Variants in YEATS2 observed in about 807,000 individuals in gnomAD.
YEATS2 encodes YEATS domain-containing protein 2.
YEATS2 carries 77 observed loss-of-function variants against 163.2 expected under a neutral mutation model. The observed-to-expected ratio is 0.47, with a 90% CI of 0.39 to 0.57. The LOEUF is 0.57. YEATS2 is among the 20% of genes least tolerant of loss of function. The probability of loss-of-function intolerance (pLI) is 0.00; values close to 1 mark genes in which losing one functional copy is unlikely to be tolerated. For missense variants in YEATS2, 1,549 were observed against 1,729.8 expected, an observed-to-expected ratio of 0.90 and a Z score of 1.85; for synonymous variants, 631 against 645.1, an observed-to-expected ratio of 0.98 and a Z score of 0.33.
intron 11 of YEATS2, among the ~76,000 whole-genome samples, chr3:183,755,189 C>T (rs769357292): frequency 1.3e-5 from 2 of 151,962 alleles, no homozygotes; most frequent in African/African-American, 4.8e-5. Context: ...GATCTCAGCT[C>T]ACTGCAGCCT....
chr3:183,791,174 C>G (rs930766382), intron 21 of YEATS2, among the ~76,000 whole-genome samples, 194 bp downstream of exon 21: 1 of 152,186 alleles, frequency 6.6e-6, no homozygotes, highest in African/African-American at 2.4e-5. Flanking sequence ...TCAGGGACCA[C>G]AGGCACATGT....
At chr3:183,771,543 CTT>C (rs1158586747) in intron 15 of YEATS2, among the ~76,000 whole-genome samples, 1 of 26,674 alleles carries the variant, frequency 3.7e-5, no homozygotes, top group Non-Finnish European at 6.8e-5. Flanking sequence ...TTATTCTTGC[CTT>C]TTTTTTTTTT....
chr3:183,782,808 C>T (rs1577183713), intron 19 of YEATS2, among the ~76,000 whole-genome samples: 2 of 152,052 alleles, frequency 1.3e-5, no homozygotes, highest in East Asian at 3.9e-4. Context: ...TTTGTTTTTG[C>T]TGTCATGGAT....
chr3:183,790,266 C>T (rs1724481325), intron 20 of YEATS2, among the ~76,000 whole-genome samples: 1 of 152,192 alleles, frequency 6.6e-6, no homozygotes, highest in African/African-American at 2.4e-5. Context: ...GTGTTGGTGA[C>T]ATTTGCCTGT....
At chr3:183,720,979 G>T (rs1185804781) in intron 4 of YEATS2, among the ~76,000 whole-genome samples, 1 of 152,134 alleles carries the variant, frequency 6.6e-6, no homozygotes, top group African/African-American at 2.4e-5. Flanking sequence ...TATAAGCGAG[G>T]AGGACTTCAT....
intron 6 of YEATS2, among the ~76,000 whole-genome samples, chr3:183,725,041 C>CTTT (rs62826962): frequency 1.1e-4 from 10 of 87,502 alleles, no homozygotes; most frequent in South Asian, 4.9e-4. Context: ...CCGTGCCGGC[C>CTTT]TTTTTTTTTT....
chr3:183,804,709 C>T (rs77985475), intron 27 of YEATS2, among the ~76,000 whole-genome samples: 5,878 of 152,286 alleles, frequency 0.039, 162 homozygotes, highest in Non-Finnish European at 0.06. Flanking sequence ...ACCACTGGGC[C>T]GGGCGCCGTG....
chr3:183,722,438 G>T (rs1716618062), intron 5 of YEATS2, among the ~76,000 whole-genome samples: 1 of 151,922 alleles, frequency 6.6e-6, no homozygotes, highest in African/African-American at 2.4e-5. Context: ...ACAGGTGTGT[G>T]CCACCACGCC....
intron 7 of YEATS2, among the ~76,000 whole-genome samples, chr3:183,733,204 G>A (rs1306426258): frequency 2.0e-5 from 3 of 152,188 alleles, no homozygotes; most frequent in East Asian, 1.9e-4. Flanking sequence ...GGCTGGTTTT[G>A]TTTGGAAGTT....
intron 17 of YEATS2, 97 bp downstream of exon 17, chr3:183,773,891 A>G: frequency 1.8e-5 from 25 of 1,382,730 alleles, no homozygotes; most frequent in Non-Finnish European, 2.1e-5. Flanking sequence ...TTCAGGAAGC[A>G]TTTCTGTAAC....
intron 10 of YEATS2, among the ~76,000 whole-genome samples, chr3:183,753,291 T>C (rs982265940): frequency 6.6e-6 from 1 of 152,230 alleles, no homozygotes; most frequent in Non-Finnish European, 1.5e-5. Context: ...TAAATACATA[T>C]TTTAATGTTC....
At chr3:183,699,764 G>A (rs756131977) in intron 1 of YEATS2, among the ~76,000 whole-genome samples, 18 of 152,148 alleles carry the variant, frequency 1.2e-4, no homozygotes, top group Non-Finnish European at 2.1e-4. Flanking sequence ...ATGTATCATG[G>A]CAGCCAAAAG....
In YEATS2 at chr3:183,773,701, C is replaced by T; in HGVS notation, c.2275C>T (p.Leu759Phe). Residue 759 changes from leucine to phenylalanine, a missense_variant, in exon 17 of 31, where the codon CTC becomes TTC. Transcript: ENST00000305135. ...NLANLPPGTKLYLTTNSKNPS... is the reference protein window; with the variant it reads ...NLANLPPGTKFYLTTNSKNPS... ...GGCAAATTTGCCTCCTGGCACTAAA[C>T]TCTACCTAACTACAAACAGCAAGAA... 1 of 1,613,676 alleles carries T rather than the reference C, an allele frequency of 6.2e-7. No individual in the cohort carries two copies. Among genetic ancestry groups the T allele is most frequent in the Non-Finnish European group, 8.5e-7 (1 of 1,179,868 alleles).
intron 16 of YEATS2, 46 bp downstream of exon 16, chr3:183,772,609 C>G (rs1577159096): frequency 3.1e-6 from 5 of 1,603,464 alleles, no homozygotes; most frequent in Non-Finnish European, 4.3e-6. Flanking sequence ...AAGCTCTGTC[C>G]AAAATTTCCT....
chr3:183,730,066 T>G lies in YEATS2; in HGVS notation c.812+1215T>G, dbSNP rs1282993503. Among the ~76,000 whole-genome samples, 166 of 102,232 alleles carry G rather than the reference T, an allele frequency of 1.6e-3. 2 individuals carry two copies. Among genetic ancestry groups the G allele is most frequent in the African/African-American group, 4.6e-3 (92 of 19,960 alleles). The allele number at this position is 102,232 out of a possible 152,430, so 67.1% of individuals were successfully genotyped here. The stretch of plus-strand genomic sequence containing the variant: ...GTTTTTTGTTTGTTTTTTTTTTTTT[T>G]TTTTTTTTTTTTTTTTTTTTTGGAG... On this transcript the variant is annotated intron_variant, in intron 7 of 30. Transcript: ENST00000305135.
chr3:183,698,797 C>T (rs1206523581), intron 1 of YEATS2, among the ~76,000 whole-genome samples: 3 of 152,036 alleles, frequency 2.0e-5, no homozygotes, highest in Non-Finnish European at 4.4e-5. Context: ...TAGAATTCAG[C>T]AATATCATTT....
intron 15 of YEATS2, among the ~76,000 whole-genome samples, chr3:183,768,926 C>T (rs140218513): frequency 0.056 from 8,492 of 152,204 alleles, 337 homozygotes; most frequent in South Asian, 0.088. Context: ...GAGCTGAGAT[C>T]GTGCCACCGC....
chr3:183,807,097 G>A lies in YEATS2; in HGVS notation c.4011+5G>A, dbSNP rs865848998. 2 of 1,610,292 alleles carry A rather than the reference G, an allele frequency of 1.2e-6. No individual in the cohort carries two copies. The highest frequency in any genetic ancestry group is 1.7e-6 in the Non-Finnish European group (2 of 1,178,360). ...ATTGGGGATGTCACACAGAAGGTAG[G>A]GGTTGTGGTGTTAATAGTTCATGCA... On this transcript the variant is annotated splice_donor_5th_base_variant and intron_variant, in intron 28 of 30. Coordinates refer to ENST00000305135, the MANE Select transcript of YEATS2 (RefSeq NM_018023.5).
intron 12 of YEATS2, among the ~76,000 whole-genome samples, chr3:183,757,056 G>A (rs934946357): frequency 5.3e-5 from 8 of 151,980 alleles, no homozygotes; most frequent in East Asian, 1.9e-4. Flanking sequence ...GCCACATACC[G>A]TTCTCCCCAG....
Sources: gnomAD v4.1 joint callset for allele counts (sites outside exome capture counted in the v4.1 genomes callset) on GRCh38, gnomAD v4.1.1 for gene constraint, MANE v1.5 for transcripts, NCBI Gene and HGNC (gene_info 2026-07-23, HGNC 2026-07-21) for gene names.